The following INAVA variants were observed in gnomAD, a reference collection of about 807,000 sequenced individuals.
INAVA encodes innate immunity activator, also known as innate immunity activator protein.
In INAVA, 32 loss-of-function variants were observed where a neutral mutation model predicts 55.3. That is an observed-to-expected ratio of 0.58 (90% confidence interval 0.44 to 0.78). The LOEUF is 0.78. Ranked by LOEUF, INAVA falls within the 30% of genes least tolerant of loss-of-function variation. The pLI is 0.00. For missense variants in INAVA, 756 were observed against 786.4 expected, an observed-to-expected ratio of 0.96 and a Z score of 0.46; for synonymous variants, 294 against 329.4, an observed-to-expected ratio of 0.89 and a Z score of 1.16.
upstream of INAVA, among the ~76,000 whole-genome samples, chr1:200,892,755 A>G (rs757392846): frequency 4.6e-5 from 7 of 152,178 alleles, no homozygotes; most frequent in Non-Finnish European, 1.0e-4. Flanking sequence ...CATGGCCATC[A>G]GAGAGCTCCA....
rs1352681889 is a variant in INAVA, at chr1:200,911,630, C to T, written c.1137C>T (p.Ile379=). The T allele has an allele frequency of 1.9e-6, 3 of 1,614,062 alleles. No homozygotes were observed. In the South Asian group the frequency reaches 3.3e-5, roughly 18 times the overall value. ...ACAGTGGCTCTGACGTCTCCAGCAT[C>T]TCCCACCCCACTTCGCCGGGCAGCA... ...SEDSGSDVSS[I]SHPTSPGSSS... Residue 379 remains isoleucine (I), a synonymous_variant, in exon 9 of 10, where the codon ATC becomes ATT. Transcript: ENST00000413687.
rs1558227647 is a variant in INAVA, at chr1:200,898,358, T to C, written c.-43T>C. On this transcript the variant is annotated 5_prime_UTR_variant, in exon 2 of 10. Transcript: ENST00000413687. Reference sequence around the variant, plus strand: ...AACCTGGCCCAGGCTGGTCACGGTGTCCCCCCTCCCTGCTCTGTGCCCTCT... The same window carrying C: ...AACCTGGCCCAGGCTGGTCACGGTGCCCCCCCTCCCTGCTCTGTGCCCTCT... 1 of 1,614,010 alleles carries C rather than the reference T, an allele frequency of 6.2e-7. No homozygotes were observed. The highest frequency in any genetic ancestry group is 8.5e-7 in the Non-Finnish European group (1 of 1,179,970).
chr1:200,903,334 A>T (rs1653342509), intron 5 of INAVA, among the ~76,000 whole-genome samples: 1 of 151,778 alleles, frequency 6.6e-6, no homozygotes, highest in African/African-American at 2.4e-5. Context: ...AAATACAAAA[A>T]TTAGCCAGAC....
At chr1:200,891,719 G>C (rs1354643831), upstream of INAVA, 4 of 1,442,824 alleles carry the variant, frequency 2.8e-6, no homozygotes, top group Admixed American at 5.8e-5. Flanking sequence ...GGAAAACTTC[G>C]GGGCACCCAG....
At chr1:200,905,365 G>A (rs1653441204) in intron 5 of INAVA, among the ~76,000 whole-genome samples, 1 of 152,170 alleles carries the variant, frequency 6.6e-6, no homozygotes, top group African/African-American at 2.4e-5. Flanking sequence ...GGACCACACA[G>A]GGAGACCCTG....
chr1:200,893,573 C>T (rs1668277535), upstream of INAVA, among the ~76,000 whole-genome samples: 1 of 152,148 alleles, frequency 6.6e-6, no homozygotes, highest in Admixed American at 6.5e-5. Context: ...CTTTGGGAGA[C>T]CCAGAGAACA....
rs568748290 is a variant in INAVA at position 200,912,129 on chromosome 1, C to T, written c.1636C>T (p.Arg546Trp). Residue 546 changes from arginine to tryptophan, a missense_variant, in exon 9 of 10, where the codon CGG (arginine) becomes TGG (tryptophan). This residue lies in a region of INAVA where 117 missense variants were observed against 162.1 expected (regional missense o/e 0.72). Transcript: ENST00000413687. Reference protein sequence around the residue: ...REGFGRALGPRAQVPTVCVLR... With the variant: ...REGFGRALGPWAQVPTVCVLR... The stretch of plus-strand genomic sequence containing the variant: ...GGGCTTCGGACGAGCCCTGGGACCC[C>T]GGGCACAGGTACGGCTGCTCTGGAG... 1.4e-5 allele frequency: 21 copies of T among 1,547,810 alleles called. No individual in the cohort carries two copies. The highest frequency in any genetic ancestry group is 1.2e-4 in the East Asian group (5 of 41,038).
chr1:200,901,184 C>T (rs1282118160), intron 5 of INAVA, 25 bp downstream of exon 5: 20 of 1,476,300 alleles, frequency 1.4e-5, no homozygotes, highest in Non-Finnish European at 1.8e-5. Context: ...CTGAGGGGGG[C>T]CATGCTCCTT....
Position 200,911,907 on chromosome 1 carries a change from C to T in INAVA, c.1414C>T (p.Arg472Cys), listed in dbSNP as rs1401619662. The change falls in exon 9 of 10, where the codon CGT becomes TGT. Residue 472 changes from arginine to cysteine, a missense_variant. Arg to Cys is a radical substitution (Grantham distance 180). Coordinates refer to ENST00000413687, the MANE Select transcript of INAVA (RefSeq NM_001142569.3). ...GGAGGGCACTCCCCTGCGCTACCAG[C>T]GTCTGGTGCCCTCCCGCAGCCGCAT... ...EEEGTPLRYQ[R>C]LVPSRSRIVR... is the part of the protein sequence containing the mutation. The T allele has an allele frequency of 7.6e-6, 12 of 1,579,300 alleles. No homozygotes were observed. Among genetic ancestry groups the T allele is most frequent in the Non-Finnish European group, 9.4e-6 (11 of 1,170,324 alleles).
intron 4 of INAVA, 77 bp downstream of exon 4, chr1:200,900,297 A>G: frequency 7.6e-7 from 1 of 1,309,466 alleles, no homozygotes; most frequent in South Asian, 1.3e-5. Flanking sequence ...TCAGCTCAGT[A>G]CCCTGGCAGG....
upstream of INAVA, among the ~76,000 whole-genome samples, chr1:200,893,462 A>G (rs557253414): frequency 5.9e-5 from 9 of 152,336 alleles, no homozygotes; most frequent in Non-Finnish European, 1.3e-4. Context: ...GCTTATGCCC[A>G]GAGTCAACCC....
Position 200,901,012 on chromosome 1 carries a change from G to C in INAVA, c.373G>C (p.Glu125Gln). ...ITEAARRLCL[E>Q]ENLSRQARRQ... ...AGAGGCAGCCCGTCGGCTGTGCCTG[G>C]AGGAGAACCTCAGCAGGCAGGCTCG... is the stretch of plus-strand genomic sequence containing the variant. Residue 125 changes from glutamate (E) to glutamine (Q), a missense_variant, in exon 5 of 10, where the codon GAG becomes CAG. Physicochemically the swap from Glu to Gln is conservative, Grantham distance 29. This residue lies in a region of INAVA where 639 missense variants were observed against 624.3 expected (regional missense o/e 1.02). Transcript: ENST00000413687. 2 of 1,551,248 alleles carry C rather than the reference G, an allele frequency of 1.3e-6. No homozygotes were observed. Among genetic ancestry groups the C allele is most frequent in the Non-Finnish European group, 8.7e-7 (1 of 1,147,242 alleles).
At chr1:200,899,207 ACTCC>A (rs1378496702) in intron 2 of INAVA, among the ~76,000 whole-genome samples, 1 of 151,248 alleles carries the variant, frequency 6.6e-6, no homozygotes, top group Non-Finnish European at 1.5e-5. Flanking sequence ...CACCGGCAGA[ACTCC>A]CTCCCCTGCA....
intron 1 of INAVA, 88 bp downstream of exon 1, chr1:200,895,175 C>G (rs1390565200): frequency 2.1e-6 from 2 of 949,736 alleles, no homozygotes; most frequent in Non-Finnish European, 2.5e-6. Context: ...CCATCACCCC[C>G]CTCCGACCCC....
chr1:200,907,995 G>T (rs545647714), intron 6 of INAVA, 108 bp downstream of exon 6: 3 of 883,692 alleles, frequency 3.4e-6, no homozygotes, highest in South Asian at 3.0e-5. Context: ...GAAGGCTAGG[G>T]TGCCAGGCTT....
chr1:200,897,754 T>C (rs906061782), intron 1 of INAVA, among the ~76,000 whole-genome samples: 2 of 152,118 alleles, frequency 1.3e-5, no homozygotes, highest in Non-Finnish European at 2.9e-5. Context: ...CTCAGCCTCC[T>C]GAGTAGCTGG....
At position 200,913,816 on chromosome 1, in the gene INAVA, A is replaced by C. The variant is rs1653846386; in HGVS notation, c.*187A>C. ...CTGACCTAAGGATTTATATATGTGG[A>C]TTGTCCTCAATACCCCTGTGATATG... On this transcript the variant is annotated 3_prime_UTR_variant, in exon 10 of 10. Coordinates refer to ENST00000413687, the MANE Select transcript of INAVA (RefSeq NM_001142569.3). 4 of 585,574 alleles carry C rather than the reference A, an allele frequency of 6.8e-6. No homozygotes were observed. Among genetic ancestry groups the C allele is most frequent in the Admixed American group, 3.0e-5 (1 of 32,834 alleles). 36.3% of individuals were successfully genotyped at this position (585,574 alleles called of 1,614,324 possible).
In INAVA at chr1:200,913,653, A is replaced by ACTGT; in HGVS notation, c.*25_*28dup. The ACTGT allele has an allele frequency of 6.3e-7, 1 of 1,595,764 alleles. No homozygotes were observed. The highest frequency in any genetic ancestry group is 8.6e-7 in the Non-Finnish European group (1 of 1,165,086). ...AACTCTGCGCCCCACGCTGGAAAAA[A>ACTGT]CTGTTTCATAGAGGGGCTGGGCTGA... On this transcript the variant is annotated 3_prime_UTR_variant, in exon 10 of 10. Transcript: ENST00000413687.
At chr1:200,897,743 C>T (rs1668382786) in intron 1 of INAVA, among the ~76,000 whole-genome samples, 1 of 152,102 alleles carries the variant, frequency 6.6e-6, no homozygotes, top group African/African-American at 2.4e-5. Context: ...AATCCTCCTG[C>T]CTCAGCCTCC....
Sources: gnomAD v4.1 joint callset for allele counts (sites outside exome capture counted in the v4.1 genomes callset) on GRCh38, gnomAD v4.1.1 for gene constraint, gnomAD v4.1.1 regional missense constraint, MANE v1.5 for transcripts, NCBI Gene and HGNC (gene_info 2026-07-23, HGNC 2026-07-21) for gene names.